The following DMXL1 variants were observed in gnomAD, a reference collection of about 807,000 sequenced individuals.
The protein encoded by DMXL1 is Dmx like 1, also known as dmX-like protein 1.
A neutral mutation model predicts 319.2 loss-of-function variants in DMXL1; 99 were observed. That is an observed-to-expected ratio of 0.31 (90% CI 0.26 to 0.37). The LOEUF (loss-of-function observed/expected upper bound fraction) is 0.37, where lower values mean the gene tolerates loss of function less well. Among genes scored for constraint, DMXL1 ranks in the 10% least tolerant of loss-of-function variants. DMXL1 has a pLI of 1.00. For synonymous variants in DMXL1, 1,385 were observed against 1,235.2 expected (o/e 1.12, Z -2.54); for missense variants, 3,745 against 3,595.6 (o/e 1.04, Z -1.06).
At chr5:119,193,527 T>A (rs1779070844) in intron 29 of DMXL1, among the ~76,000 whole-genome samples, 1 of 152,092 alleles carries the variant, frequency 6.6e-6, no homozygotes, top group Non-Finnish European at 1.5e-5. Context: ...TATTTGCCTA[T>A]TTTTTTCCAG....
At chr5:119,131,705 G>A (rs1411577810) in intron 10 of DMXL1, among the ~76,000 whole-genome samples, 1 of 152,134 alleles carries the variant, frequency 6.6e-6, no homozygotes, top group African/African-American at 2.4e-5. Flanking sequence ...TTATTTTCCA[G>A]TTTAATATTA....
intron 5 of DMXL1, among the ~76,000 whole-genome samples, chr5:119,112,875 T>C (rs1759967169): frequency 6.6e-6 from 1 of 152,070 alleles, no homozygotes; most frequent in Non-Finnish European, 1.5e-5. Flanking sequence ...GAGAATAGCT[T>C]GAACCCGGTG....
chr5:119,151,903 A>G (rs1166372265), intron 18 of DMXL1, 26 bp from the exon 19 acceptor site: 2 of 1,527,660 alleles, frequency 1.3e-6, no homozygotes, highest in Non-Finnish European at 1.8e-6. Flanking sequence ...TTTTTAATAC[A>G]TTGCTTCCCC....
At chr5:119,175,406 G>C in intron 26 of DMXL1, 69 bp downstream of exon 26, 1 of 1,169,466 alleles carries the variant, frequency 8.6e-7, no homozygotes. Flanking sequence ...TTGTATGTTA[G>C]TGGTTTAGAA....
intron 1 of DMXL1, among the ~76,000 whole-genome samples, chr5:119,093,205 A>G (rs1755185977): frequency 6.6e-6 from 1 of 152,126 alleles, no homozygotes; most frequent in African/African-American, 2.4e-5. Flanking sequence ...TTATTTTTGA[A>G]CAGAGTCTTG....
intron 1 of DMXL1, among the ~76,000 whole-genome samples, chr5:119,078,854 T>C (rs1751569590): frequency 6.6e-6 from 1 of 152,238 alleles, no homozygotes; most frequent in African/African-American, 2.4e-5. Context: ...TACCTGTTGT[T>C]TCACCGTTAT....
rs1464542839 is a variant in DMXL1, at chr5:119,114,365, TATAAC to T, written c.498-107_498-103del. On this transcript the variant is annotated intron_variant, in intron 5 of 43. Coordinates refer to ENST00000539542, the MANE Select transcript of DMXL1 (RefSeq NM_001290321.3). ...TACACAAAGATGTGGGTGTGAAACT[TATAAC>T]ATTTTCTGTCTTTTGAACCAATTGC... 5.2e-6 allele frequency: 4 copies of T among 766,664 alleles called. No individual in the cohort carries two copies. The African/African-American group carries it at 5.4e-5, about 10-fold the overall frequency. 47.5% of individuals were successfully genotyped at this position (766,664 alleles called of 1,614,324 possible). A position where few individuals can be genotyped will look rare whatever the true frequency, so the allele number is the denominator to read the frequency against.
At chr5:119,129,461 T>C in intron 10 of DMXL1, 38 bp downstream of exon 10, 1 of 1,460,510 alleles carries the variant, frequency 6.8e-7, no homozygotes, top group Non-Finnish European at 9.3e-7. Context: ...AAAGTTTTGC[T>C]CAAAATAGCA....
intron 17 of DMXL1, among the ~76,000 whole-genome samples, chr5:119,147,831 A>G (rs1430521978): frequency 3.3e-5 from 5 of 152,136 alleles, no homozygotes; most frequent in Admixed American, 2.0e-4. Context: ...GGTTTCTGCT[A>G]TATATTTATT....
intron 13 of DMXL1, among the ~76,000 whole-genome samples, chr5:119,137,504 T>C (rs560038836): frequency 3.3e-5 from 5 of 152,304 alleles, no homozygotes; most frequent in South Asian, 2.1e-4. Flanking sequence ...TGGATTGATA[T>C]GGTTTATTGC....
intron 24 of DMXL1, 92 bp downstream of exon 24, chr5:119,171,372 C>G (rs976030499): frequency 2.3e-6 from 3 of 1,301,072 alleles, no homozygotes; most frequent in Non-Finnish European, 3.1e-6. Flanking sequence ...ACTTGATTTT[C>G]TTTATTACGG....
chr5:119,122,198 C>A (rs1326502470), intron 9 of DMXL1, among the ~76,000 whole-genome samples: 1 of 138,408 alleles, frequency 7.2e-6, no homozygotes, highest in Non-Finnish European at 1.6e-5. Context: ...TCCTCACTTC[C>A]CAGTAGGGGC....
At chr5:119,079,352 C>T (rs1441859463) in intron 1 of DMXL1, among the ~76,000 whole-genome samples, 1 of 152,230 alleles carries the variant, frequency 6.6e-6, no homozygotes, top group Non-Finnish European at 1.5e-5. Context: ...AATCAGTCTT[C>T]TTGGTGCCGT....
intron 34 of DMXL1, among the ~76,000 whole-genome samples, chr5:119,213,359 A>G (rs532562182): frequency 1.3e-5 from 2 of 152,168 alleles, no homozygotes; most frequent in Non-Finnish European, 2.9e-5. Flanking sequence ...GTTCAAGGCC[A>G]GAACTTTCAC....
intron 37 of DMXL1, among the ~76,000 whole-genome samples, chr5:119,222,935 TC>T (rs1561911792): frequency 6.6e-6 from 1 of 152,064 alleles, no homozygotes; most frequent in East Asian, 1.9e-4. Flanking sequence ...CCCCCACATT[TC>T]CCTGGCTTCC....
intron 7 of DMXL1, among the ~76,000 whole-genome samples, chr5:119,118,214 T>A (rs1761264130): frequency 6.6e-6 from 1 of 152,248 alleles, no homozygotes; most frequent in South Asian, 2.1e-4. Flanking sequence ...TTCTTGCATT[T>A]CACTGCTTTG....
chr5:119,187,088 A>AAT (rs954120020), intron 28 of DMXL1, among the ~76,000 whole-genome samples: 1 of 151,278 alleles, frequency 6.6e-6, no homozygotes, highest in African/African-American at 2.4e-5. Flanking sequence ...AAAAAAAAAA[A>AAT]GTGCTTCCTG....
rs998732567 is a variant in DMXL1, at chr5:119,071,402, A to T, written c.-168A>T. On this transcript the variant is annotated 5_prime_UTR_variant, in exon 1 of 44. The change abolishes an upstream ATG in the 5' untranslated region. Coordinates refer to ENST00000539542, the MANE Select transcript of DMXL1 (RefSeq NM_001290321.3). ...CGGGCCTCGCCCTCCGGGGCTCGGGATGAGTCGCGGGCCCCAGCTGAGCGG... is the reference window on the plus strand; with the variant it reads ...CGGGCCTCGCCCTCCGGGGCTCGGGTTGAGTCGCGGGCCCCAGCTGAGCGG... The T allele has an allele frequency of 4.8e-6, 3 of 624,940 alleles. No individual in the cohort carries two copies. The highest frequency in any genetic ancestry group is 3.9e-5 in the African/African-American group (2 of 50,712). 38.7% of individuals were successfully genotyped at this position (624,940 alleles called of 1,614,324 possible).
chr5:119,105,060 A>T (rs2149815010), intron 3 of DMXL1, 120 bp from the exon 4 acceptor site: 1 of 661,224 alleles, frequency 1.5e-6, no homozygotes, highest in South Asian at 1.8e-5. Context: ...TGAACTGAAC[A>T]TTTTGTTATC....
Sources: gnomAD v4.1 joint callset for allele counts (sites outside exome capture counted in the v4.1 genomes callset) on GRCh38, gnomAD v4.1.1 for gene constraint, MANE v1.5 for transcripts, NCBI Gene and HGNC (gene_info 2026-07-23, HGNC 2026-07-21) for gene names.